The following ELF1 variants were observed in gnomAD, a reference collection of about 807,000 sequenced individuals.
ELF1 encodes ETS-related transcription factor Elf-1.
In ELF1, 24 loss-of-function variants were observed where a neutral mutation model predicts 59.9. That is an observed-to-expected ratio of 0.40 (90% CI 0.29 to 0.56). ELF1 has a LOEUF of 0.56. Ranked by LOEUF, ELF1 falls within the 20% of genes least tolerant of loss-of-function variation. The pLI, the probability that ELF1 is intolerant of heterozygous loss-of-function variation, is 0.44. For synonymous variants in ELF1, 248 were observed against 266.2 expected, an observed-to-expected ratio of 0.93 and a Z score of 0.67; for missense variants, 627 against 742.2, an observed-to-expected ratio of 0.84 and a Z score of 1.80.
intron 1 of ELF1, among the ~76,000 whole-genome samples, chr13:40,987,618 TAA>T (rs1193959879): frequency 1.4e-5 from 2 of 143,212 alleles, no homozygotes; most frequent in African/African-American, 5.3e-5. Context: ...AGAAAATTAA[TAA>T]AGAGAATCAA....
rs1469751976 is a variant in ELF1 at position 40,933,193 on chromosome 13, T to C, written c.*232A>G. ...AACTGAAATAAAAATCTCAAAAGAA[T>C]GTCTTCATAGTGTAAAATGCCTGTT... On this transcript the variant is annotated 3_prime_UTR_variant, in exon 9 of 9. Coordinates refer to ENST00000239882, the MANE Select transcript of ELF1 (RefSeq NM_172373.4). The C allele has an allele frequency of 6.5e-6, 3 of 464,582 alleles. No individual in the cohort carries two copies. Among genetic ancestry groups the C allele is most frequent in the Non-Finnish European group, 1.1e-5 (3 of 271,740 alleles). The allele number at this position is 464,582 out of a possible 1,614,324, so 28.8% of individuals were successfully genotyped here. A position where few individuals can be genotyped will look rare whatever the true frequency, so the allele number is the denominator to read the frequency against.
intron 2 of ELF1, among the ~76,000 whole-genome samples, chr13:40,976,089 G>A (rs536298079): frequency 6.6e-6 from 1 of 152,298 alleles, no homozygotes; most frequent in African/African-American, 2.4e-5. Flanking sequence ...GAAAAAGTAT[G>A]CTTTGTTCTA....
upstream of ELF1, among the ~76,000 whole-genome samples, chr13:41,023,350 A>C (rs1478353434): frequency 6.6e-6 from 1 of 152,232 alleles, no homozygotes; most frequent in Non-Finnish European, 1.5e-5. Context: ...CTTTGTTTGA[A>C]TCCGCCCCAT....
chr13:41,013,141 T>C (rs1230690664), intron 1 of ELF1, among the ~76,000 whole-genome samples: 1 of 152,182 alleles, frequency 6.6e-6, no homozygotes, highest in Non-Finnish European at 1.5e-5. Flanking sequence ...CAGGGCAATA[T>C]ACCATAGAAA....
chr13:41,033,616 T>C (rs748041223), intron 1 of ELF1, among the ~76,000 whole-genome samples: 10 of 152,170 alleles, frequency 6.6e-5, no homozygotes, highest in Non-Finnish European at 1.2e-4. Flanking sequence ...GCCAGAGAAT[T>C]AGATTCTCAT....
At position 40,968,308 on chromosome 13, in the gene ELF1, G is replaced by A. The variant is rs181543185; in HGVS notation, c.73-9292C>T. Among the ~76,000 whole-genome samples the A allele has an allele frequency of 5.7e-3, 873 of 152,110 alleles. 8 individuals carry two copies. The highest frequency in any genetic ancestry group is 0.014 in the South Asian group (69 of 4,820). On this transcript the variant is annotated intron_variant, in intron 2 of 8. Transcript: ENST00000239882. ...ATCGCTACACACAGTACATCTACAT[G>A]GATAAACACACACAAAAAATTAGGG...
Position 40,943,151 on chromosome 13 carries a change from CA to C in ELF1, c.614-8del. ...CAAAGATAAATTGTGTTTCCTGAAA[CA>C]AAAACAATTTCTTTCTAAATGACCA... On this transcript the variant is annotated splice_polypyrimidine_tract_variant and splice_region_variant and intron_variant, in intron 6 of 8. Coordinates refer to ENST00000239882, the MANE Select transcript of ELF1 (RefSeq NM_172373.4). 6.7e-7 allele frequency: 1 copy of C among 1,494,666 alleles called. No individual in the cohort carries two copies. The highest frequency in any genetic ancestry group is 9.0e-7 in the Non-Finnish European group (1 of 1,114,010). 92.6% of individuals were successfully genotyped at this position (1,494,666 alleles called of 1,614,324 possible).
chr13:40,962,899 A>C (rs1183302513), intron 2 of ELF1, among the ~76,000 whole-genome samples: 15 of 152,136 alleles, frequency 9.9e-5, no homozygotes, highest in African/African-American at 3.6e-4. Context: ...AATATTTTGA[A>C]TTCATGGATT....
At chr13:41,058,397 C>T (rs1877366061) in intron 1 of ELF1, among the ~76,000 whole-genome samples, 1 of 152,208 alleles carries the variant, frequency 6.6e-6, no homozygotes, top group South Asian at 2.1e-4. Context: ...GGTCCACTCT[C>T]CCCTCTAGGT....
chr13:40,933,668 A>T lies in ELF1; in HGVS notation c.1617T>A (p.Pro539=), dbSNP rs979344712. Residue 539 remains proline (P), a synonymous_variant, in exon 9 of 9, where the codon CCT becomes CCA. Coordinates refer to ENST00000239882, the MANE Select transcript of ELF1 (RefSeq NM_172373.4). ...SATAPVVTFS[P]RSSQLVAHPP... ...GGTGAGCAACCAGCTGTGAACTGCG[A>T]GGAGAAAAGGTCACCACAGGTGCAG... 1.2e-6 allele frequency: 2 copies of T among 1,614,244 alleles called. No individual in the cohort carries two copies. The highest frequency in any genetic ancestry group is 2.7e-5 in the African/African-American group (2 of 75,068).
chr13:40,950,349 AT>A (rs1870776234), intron 4 of ELF1, among the ~76,000 whole-genome samples: 2 of 152,378 alleles, frequency 1.3e-5, no homozygotes, highest in South Asian at 2.1e-4. Flanking sequence ...AAACAAAAAA[AT>A]AATCACAACC....
chr13:41,044,564 T>C (rs578058739), intron 1 of ELF1, among the ~76,000 whole-genome samples: 3 of 152,318 alleles, frequency 2.0e-5, no homozygotes, highest in South Asian at 4.1e-4. Flanking sequence ...GTGGTTTTTG[T>C]CTTTGGCTCT....
chr13:40,980,145 C>T (rs576094806), intron 2 of ELF1, among the ~76,000 whole-genome samples: 1 of 152,250 alleles, frequency 6.6e-6, no homozygotes, highest in South Asian at 2.1e-4. Flanking sequence ...GATTGTCACA[C>T]ATTATTGCAA....
At chr13:40,971,099 T>C (rs1343311265) in intron 2 of ELF1, among the ~76,000 whole-genome samples, 1 of 150,872 alleles carries the variant, frequency 6.6e-6, no homozygotes, top group East Asian at 1.9e-4. Flanking sequence ...CCACTACCAG[T>C]ACAGGATCCT....
At chr13:40,986,978 C>T (rs1873585167) in intron 1 of ELF1, among the ~76,000 whole-genome samples, 1 of 136,066 alleles carries the variant, frequency 7.3e-6, no homozygotes, top group Non-Finnish European at 1.5e-5. Flanking sequence ...CACTGTCGCC[C>T]AGGCTGGAGT....
chr13:41,001,229 C>A (rs1210305889), intron 1 of ELF1, among the ~76,000 whole-genome samples: 8 of 152,080 alleles, frequency 5.3e-5, no homozygotes, highest in Admixed American at 3.9e-4. Context: ...CCTGCCTCGG[C>A]CTCCCAAAGT....
intron 2 of ELF1, among the ~76,000 whole-genome samples, chr13:40,967,305 C>T (rs1872238651): frequency 6.6e-6 from 1 of 152,196 alleles, no homozygotes; most frequent in Non-Finnish European, 1.5e-5. Context: ...AGTAAAAACT[C>T]AGGTTCTTAT....
intron 1 of ELF1, among the ~76,000 whole-genome samples, chr13:40,999,664 A>G (rs1193372443): frequency 6.6e-6 from 1 of 152,206 alleles, no homozygotes; most frequent in East Asian, 1.9e-4. Flanking sequence ...CGATGAGGAC[A>G]GTTTAAAAAG....
intron 1 of ELF1, among the ~76,000 whole-genome samples, chr13:41,026,810 T>C (rs575995321): frequency 6.6e-6 from 1 of 152,310 alleles, no homozygotes; most frequent in South Asian, 2.1e-4. Context: ...TGGGCCTGCG[T>C]AGGTCCTAAA....
Sources: gnomAD v4.1 joint callset for allele counts (sites outside exome capture counted in the v4.1 genomes callset) on GRCh38, gnomAD v4.1.1 for gene constraint, MANE v1.5 for transcripts, NCBI Gene and HGNC (gene_info 2026-07-23, HGNC 2026-07-21) for gene names.